SLC47A2: variants seen among roughly 807,000 people sequenced by gnomAD.
SLC47A2 encodes the protein solute carrier family 47 member 2.
A neutral mutation model predicts 67.7 loss-of-function variants in SLC47A2; 52 were observed. The observed-to-expected ratio is 0.77, with a 90% CI of 0.61 to 0.97. The LOEUF is 0.97. Among genes scored for constraint, SLC47A2 ranks in the 50% least tolerant of loss-of-function variants. The pLI, the probability that SLC47A2 is intolerant of heterozygous loss-of-function variation, is 0.00. For missense variants in SLC47A2, 676 were observed against 712.3 expected (o/e 0.95, Z 0.58); for synonymous variants, 278 against 292.9 (o/e 0.95, Z 0.52).
rs989590986 is a variant in SLC47A2, at chr17:19,678,669, A to G, written c.*17T>C. 24 of 1,610,564 alleles carry G rather than the reference A, an allele frequency of 1.5e-5. No individual in the cohort carries two copies. The highest frequency in any genetic ancestry group is 4.5e-4 in the Middle Eastern group (2 of 4,494). On this transcript the variant is annotated 3_prime_UTR_variant, in exon 17 of 17. Coordinates refer to ENST00000433844, the MANE Select transcript of SLC47A2 (RefSeq NM_001099646.3). ...TGGGGACAGCCACTCCTGGCTTTCTATTTCCAAGCTTCTTTGCTAGTGCCT... is the reference window on the plus strand; with the variant it reads ...TGGGGACAGCCACTCCTGGCTTTCTGTTTCCAAGCTTCTTTGCTAGTGCCT...
chr17:19,705,482 A>T lies in SLC47A2; in HGVS notation c.863T>A (p.Leu288His). 1 of 1,611,344 alleles carries T rather than the reference A, an allele frequency of 6.2e-7. No individual in the cohort carries two copies. ...CTCGTAGATGACAGCCTGGGCAGAG[A>T]GATCCACCACACTGAGCAGCCCTAG... ...FLMGLLSVVD[L>H]SAQAVIYEVA... is the part of the protein sequence containing the mutation. Residue 288 changes from leucine to histidine, a missense_variant, in exon 10 of 17, where the codon CTC (leucine) becomes CAC (histidine). Leu to His is a moderately conservative substitution (Grantham distance 99). Transcript: ENST00000433844.
At chr17:19,680,562 A>G (rs1220811792) in intron 15 of SLC47A2, among the ~76,000 whole-genome samples, 1 of 152,136 alleles carries the variant, frequency 6.6e-6, no homozygotes, top group African/African-American at 2.4e-5. Flanking sequence ...ACAAAGGCAA[A>G]ACCACACCCT....
intron 3 of SLC47A2, 132 bp downstream of exon 3, chr17:19,714,589 G>T (rs2086198557): frequency 2.0e-6 from 2 of 991,890 alleles, no homozygotes; most frequent in African/African-American, 1.6e-5. Flanking sequence ...GGTAGGGCAG[G>T]GGCAGCTGAC....
In SLC47A2 at chr17:19,704,144, C is replaced by T. The variant is rs759218694; in HGVS notation, c.944G>A (p.Arg315Gln). 28 of 1,612,312 alleles carry T rather than the reference C, an allele frequency of 1.7e-5. No homozygotes were observed. Among genetic ancestry groups the T allele is most frequent in the East Asian group, 2.2e-5 (1 of 44,830 alleles). Residue 315 changes from arginine to glutamine, a missense_variant, in exon 11 of 17, where the codon CGA (arginine) becomes CAA (glutamine). Physicochemically the swap from Arg to Gln is conservative, Grantham distance 43. Coordinates refer to ENST00000433844, the MANE Select transcript of SLC47A2 (RefSeq NM_001099646.3). ...CGCAGCCCCCAGAGCCATCCCCACTCGGACACAGACCCCGATGCTGAGCCC... is the reference window on the plus strand; with the variant it reads ...CGCAGCCCCCAGAGCCATCCCCACTTGGACACAGACCCCGATGCTGAGCCC... Reference protein sequence around the residue: ...PLGLSIGVCVRVGMALGAADT... With the variant: ...PLGLSIGVCVQVGMALGAADT...
chr17:19,697,382 T>G (rs2085687505), intron 13 of SLC47A2, among the ~76,000 whole-genome samples: 1 of 152,126 alleles, frequency 6.6e-6, no homozygotes, highest in African/African-American at 2.4e-5. Flanking sequence ...GCAGGAGGGT[T>G]GCTTGAGGCC....
At chr17:19,705,321 G>T in intron 10 of SLC47A2, 115 bp downstream of exon 10, 1 of 1,167,350 alleles carries the variant, frequency 8.6e-7, no homozygotes, top group Non-Finnish European at 1.2e-6. Flanking sequence ...CGAGAGGCCC[G>T]GGGAGGGTCC....
At chr17:19,707,937 G>T (rs2085988905) in intron 7 of SLC47A2, 94 bp from the exon 8 acceptor site, 2 of 1,188,782 alleles carry the variant, frequency 1.7e-6, no homozygotes, top group East Asian at 2.6e-5. Context: ...CAGCCCGTGT[G>T]GGGCAGGCAT....
At position 19,715,173 on chromosome 17, in the gene SLC47A2, A is replaced by T. The variant is rs769586186; in HGVS notation, c.168T>A (p.Thr56=). 3 of 1,612,228 alleles carry T rather than the reference A, an allele frequency of 1.9e-6. No individual in the cohort carries two copies. The highest frequency in any genetic ancestry group is 2.5e-6 in the Non-Finnish European group (3 of 1,179,990). ...VLTFMIYIVS[T]VFCGHLGKVE... is the part of the protein sequence containing the mutation. ...CCTTGCCCAGGTGCCCGCAGAACAC[A>T]GTGCTCACGATGTAGATCATAAAAG... The change falls in exon 2 of 17, where the codon ACT becomes ACA. Residue 56 remains threonine (T), a synonymous_variant. Coordinates refer to ENST00000433844, the MANE Select transcript of SLC47A2 (RefSeq NM_001099646.3).
Position 19,708,645 on chromosome 17 carries a change from C to T in SLC47A2, c.531+71G>A, listed in dbSNP as rs1161110113. 7 of 1,603,906 alleles carry T rather than the reference C, an allele frequency of 4.4e-6. No individual in the cohort carries two copies. The African/African-American group carries it at 9.4e-5, about 22-fold the overall frequency. ...GATGGTGGAGAGAAGGGGAAAGCCC[C>T]AGGCCCCCCTCCCACTGGAATAGGG... On this transcript the variant is annotated intron_variant, in intron 6 of 16. Transcript: ENST00000433844.
At position 19,707,814 on chromosome 17, in the gene SLC47A2, T is replaced by G. The variant is rs1033434575; in HGVS notation, c.659A>C (p.Gln220Pro). 6.2e-7 allele frequency: 1 copy of G among 1,604,050 alleles called. No homozygotes were observed. The highest frequency in any genetic ancestry group is 8.5e-7 in the Non-Finnish European group (1 of 1,175,400). ...RGSAYANIIS[Q>P]FAQTVFLLLY... ...AAGGAGGAAGACGGTCTGTGCAAAC[T>G]GGGAGATGATGTTGGCATAGGCGGA... The change falls in exon 8 of 17, where the codon CAG (glutamine) becomes CCG (proline). Residue 220 changes from glutamine to proline, a missense_variant. Physicochemically the swap from Gln to Pro is moderately conservative, Grantham distance 76. Coordinates refer to ENST00000433844, the MANE Select transcript of SLC47A2 (RefSeq NM_001099646.3).
intron 1 of SLC47A2, 43 bp downstream of exon 1, chr17:19,716,390 G>T: frequency 6.3e-7 from 1 of 1,576,034 alleles, no homozygotes; most frequent in South Asian, 1.2e-5. Flanking sequence ...CAGCCTCTCA[G>T]CTTCCTCCAC....
chr17:19,681,388 GT>G lies in SLC47A2; in HGVS notation c.1370del (p.Asp457AlafsTer48), dbSNP rs755223154. On this transcript the variant is annotated frameshift_variant, in exon 15 of 17. Transcript: ENST00000433844. LOFTEE classifies it high-confidence loss of function. ...AAFVAYTARL[D>X]WKLAAEEAKK... ...TTACCTCCTCTGCAGCAAGCTTCCAGTCCAGCCGGGCAGTATAAGCAACAAA... is the reference window on the plus strand; with the variant it reads ...TTACCTCCTCTGCAGCAAGCTTCCAGCCAGCCGGGCAGTATAAGCAACAAA... 3.3e-4 allele frequency: 536 copies of G among 1,610,876 alleles called. 1 individual carries two copies. The highest frequency in any genetic ancestry group is 4.3e-4 in the Non-Finnish European group (512 of 1,178,420).
chr17:19,682,442 T>A (rs1027350054), intron 13 of SLC47A2, among the ~76,000 whole-genome samples: 1 of 152,174 alleles, frequency 6.6e-6, no homozygotes, highest in East Asian at 1.9e-4. Flanking sequence ...CAAGAGCTTG[T>A]TCCTTCTGAA....
chr17:19,704,813 T>C (rs1432972170), intron 10 of SLC47A2: 3 of 599,450 alleles, frequency 5.0e-6, no homozygotes, highest in Non-Finnish European at 7.9e-6. Flanking sequence ...TGCTGCTCGA[T>C]GGAATGTGCT....
chr17:19,703,042 G>C (rs1244174852), intron 12 of SLC47A2, 50 bp downstream of exon 12: 1 of 1,561,954 alleles, frequency 6.4e-7, no homozygotes, highest in Admixed American at 1.7e-5. Context: ...GACACACTGG[G>C]AACCACTTTG....
chr17:19,682,911 T>G (rs1188436191), intron 13 of SLC47A2, among the ~76,000 whole-genome samples: 1 of 152,232 alleles, frequency 6.6e-6, no homozygotes, highest in Non-Finnish European at 1.5e-5. Flanking sequence ...ATTCCAGATC[T>G]TCTGAACTAC....
chr17:19,693,635 T>TAAA lies in SLC47A2; in HGVS notation c.1164+8967_1164+8969dup, dbSNP rs568990390. Among the ~76,000 whole-genome samples, 67 of 138,446 alleles carry TAAA rather than the reference T, an allele frequency of 4.8e-4. No individual in the cohort carries two copies. The East Asian group carries it at 0.013, about 28-fold the overall frequency. The allele number at this position is 138,446 out of a possible 152,430, so 90.8% of individuals were successfully genotyped here. On this transcript the variant is annotated intron_variant, in intron 13 of 16. Coordinates refer to ENST00000433844, the MANE Select transcript of SLC47A2 (RefSeq NM_001099646.3). ...AAAATAATAATAATAATAATAATAA[T>TAAA]AAATAAATAAAAATTAGCCAGGCAC...
intron 13 of SLC47A2, among the ~76,000 whole-genome samples, chr17:19,696,532 A>G (rs1371237791): frequency 2.6e-5 from 4 of 152,080 alleles, no homozygotes; most frequent in Non-Finnish European, 4.4e-5. Flanking sequence ...AGAGACAGGG[A>G]AAAGATGACC....
At chr17:19,680,988 C>T (rs530435712) in intron 15 of SLC47A2, among the ~76,000 whole-genome samples, 9 of 152,174 alleles carry the variant, frequency 5.9e-5, no homozygotes, top group South Asian at 2.1e-4. Flanking sequence ...CCAAGGTGGG[C>T]GGATCACGAG....
Sources: gnomAD v4.1 joint callset for allele counts (sites outside exome capture counted in the v4.1 genomes callset) on GRCh38, gnomAD v4.1.1 for gene constraint, MANE v1.5 for transcripts, NCBI Gene and HGNC (gene_info 2026-07-23, HGNC 2026-07-21) for gene names.